Variants in DTX1 observed in about 807,000 individuals in gnomAD.
The protein encoded by DTX1 is deltex E3 ubiquitin ligase 1.
Under a neutral mutation model 57.8 loss-of-function variants are expected in DTX1, and 26 were observed. The ratio of observed to expected loss-of-function variants is 0.45; its 90% CI spans 0.33 to 0.62. The LOEUF is 0.62. Ranked by LOEUF, DTX1 falls within the 20% of genes least tolerant of loss-of-function variation. DTX1 has a pLI of 0.02. For missense variants in DTX1, 704 were observed against 895.3 expected (o/e 0.79, Z 2.73); for synonymous variants, 398 against 394.1 (o/e 1.01, Z -0.12).
chr12:113,093,597 C>T lies in DTX1; in HGVS notation c.1062C>T (p.Pro354=). The change falls in exon 5 of 10, where the codon CCC becomes CCT. Residue 354 remains proline, a synonymous_variant. Coordinates refer to ENST00000548759, the MANE Select transcript of DTX1 (RefSeq NM_004416.3). The surrounding 1 kb of genome is among the most constrained non-coding windows in gnomAD (Gnocchi z 4.2). ...AGLPVCLTRA[P]KPILHPPPVS... ...TGCCCGTGTGCCTGACGCGGGCCCC[C>T]AAGCCCATCCTGCACCCGCCGCCCG... 6.2e-7 allele frequency: 1 copy of T among 1,612,260 alleles called. No homozygotes were observed. Among genetic ancestry groups the T allele is most frequent in the Non-Finnish European group, 8.5e-7 (1 of 1,179,416 alleles).
rs752245433 is a variant in DTX1, at chr12:113,094,834, G to A, written c.1273G>A (p.Glu425Lys). Residue 425 changes from glutamate (E) to lysine (K), a missense_variant, in exon 7 of 10, where the codon GAG becomes AAG. Around this residue, in one of 3 missense-constraint regions of DTX1, gnomAD observed 299 missense variants for 311.2 expected, o/e 0.96. Transcript: ENST00000548759. ...GCGACTGGTCACAGCATCAGGCTAC[G>A]AGGGCGTGCTTCGGCACAAGGGCGT... is the stretch of plus-strand genomic sequence containing the variant. ...MERLVTASGY[E>K]GVLRHKGVRP... The A allele has an allele frequency of 4.3e-6, 7 of 1,613,746 alleles. No individual in the cohort carries two copies. Among genetic ancestry groups the A allele is most frequent in the East Asian group, 4.5e-5 (2 of 44,894 alleles).
chr12:113,061,401 C>A (rs2044662640), intron 2 of DTX1, among the ~76,000 whole-genome samples: 1 of 152,158 alleles, frequency 6.6e-6, no homozygotes, highest in African/African-American at 2.4e-5. Context: ...CTCGCTTTAC[C>A]CAGGAGCAAA....
At chr12:113,065,556 T>C (rs1017821835) in intron 2 of DTX1, among the ~76,000 whole-genome samples, 5 of 152,102 alleles carry the variant, frequency 3.3e-5, no homozygotes, top group African/African-American at 1.2e-4. Context: ...CCTCTCCAGC[T>C]TCCTCCCATC....
intron 2 of DTX1, among the ~76,000 whole-genome samples, chr12:113,069,266 C>T (rs1305815017): frequency 2.0e-5 from 3 of 152,100 alleles, no homozygotes; most frequent in East Asian, 3.9e-4. Context: ...TCCTGCTTTG[C>T]TAGGGATCTG....
Position 113,095,037 on chromosome 12 carries a change from C to T in DTX1, c.1387-5C>T, listed in dbSNP as rs1162143482. ...GGGAACTCACTGCCAGCCTCCCCTG[C>T]CCAGGATGGCAGCCTGCAGTGCCCC... is the stretch of plus-strand genomic sequence containing the variant. On this transcript the variant is annotated splice_region_variant and splice_polypyrimidine_tract_variant and intron_variant, in intron 7 of 9. Coordinates refer to ENST00000548759, the MANE Select transcript of DTX1 (RefSeq NM_004416.3). 1 of 1,609,258 alleles carries T rather than the reference C, an allele frequency of 6.2e-7. No homozygotes were observed. Among genetic ancestry groups the T allele is most frequent in the East Asian group, 2.2e-5 (1 of 44,774 alleles).
intron 3 of DTX1, among the ~76,000 whole-genome samples, chr12:113,086,279 A>G (rs1165434114): frequency 1.3e-5 from 2 of 151,926 alleles, no homozygotes; most frequent in African/African-American, 4.8e-5. Flanking sequence ...AAAAAAAGCA[A>G]AAGAACTGGG....
chr12:113,061,727 T>C (rs1474754111), intron 2 of DTX1, among the ~76,000 whole-genome samples: 3 of 151,894 alleles, frequency 2.0e-5, no homozygotes, highest in African/African-American at 7.3e-5. Context: ...TTTGAGACAG[T>C]GTCTCACTCT....
intron 3 of DTX1, 35 bp downstream of exon 3, chr12:113,078,140 T>A (rs1194990995): frequency 7.6e-7 from 1 of 1,318,030 alleles, no homozygotes; most frequent in Non-Finnish European, 9.7e-7. Context: ...GGCCTCTGCG[T>A]CGTCCGCAGG....
intron 2 of DTX1, 96 bp downstream of exon 2, chr12:113,058,547 A>G (rs2044646568): frequency 6.6e-7 from 1 of 1,517,310 alleles, no homozygotes; most frequent in African/African-American, 1.4e-5. Context: ...GCTGATGCCA[A>G]ATCCCTTCCC....
At chr12:113,091,819 C>T (rs1165612365) in intron 3 of DTX1, among the ~76,000 whole-genome samples, 1 of 152,210 alleles carries the variant, frequency 6.6e-6, no homozygotes, top group Non-Finnish European at 1.5e-5. Flanking sequence ...CTGCTCCCAG[C>T]CCTTCCTGCC....
chr12:113,082,556 C>G (rs1386051566), intron 3 of DTX1, among the ~76,000 whole-genome samples: 1 of 152,194 alleles, frequency 6.6e-6, no homozygotes, highest in Non-Finnish European at 1.5e-5. Flanking sequence ...CCCAAACCAC[C>G]TCCCAGCCCT....
At chr12:113,086,135 G>T (rs1222269965) in intron 3 of DTX1, among the ~76,000 whole-genome samples, 2 of 152,068 alleles carry the variant, frequency 1.3e-5, no homozygotes, top group Admixed American at 1.3e-4. Flanking sequence ...GGGTGCGGTG[G>T]TGCGTGCCTG....
In DTX1 at chr12:113,093,259, G is replaced by T. The variant is rs751631269; in HGVS notation, c.1003+36G>T. ...GCCCAGGGCGGGAAAGAAGGGCGGG[G>T]CCCACTAGGAGGCAGCTCCGCCTGT... On this transcript the variant is annotated intron_variant, in intron 4 of 9. Coordinates refer to ENST00000548759, the MANE Select transcript of DTX1 (RefSeq NM_004416.3). This position sits in a 1 kb window ranked among gnomAD's most constrained non-coding sequence, Gnocchi z 4.2. The T allele has an allele frequency of 1.9e-6, 3 of 1,561,876 alleles. No homozygotes were observed. The South Asian group carries it at 3.5e-5, about 18-fold the overall frequency.
At chr12:113,094,654 G>A (rs895097461) in intron 6 of DTX1, 135 bp from the exon 7 acceptor site, 13 of 1,026,904 alleles carry the variant, frequency 1.3e-5, no homozygotes, top group Non-Finnish European at 1.7e-5. Flanking sequence ...CAGAGGGTGT[G>A]TCCTGTCTCC....
chr12:113,078,150 G>T, intron 3 of DTX1, 45 bp downstream of exon 3: 1 of 1,302,374 alleles, frequency 7.7e-7, no homozygotes, highest in Non-Finnish European at 9.8e-7. Context: ...TCGTCCGCAG[G>T]CAAGGACGAA....
chr12:113,062,798 T>C (rs926254546), intron 2 of DTX1, among the ~76,000 whole-genome samples: 2 of 152,232 alleles, frequency 1.3e-5, no homozygotes, highest in Non-Finnish European at 2.9e-5. Context: ...AGCCAGGCTC[T>C]GGCCCCACAG....
intron 2 of DTX1, among the ~76,000 whole-genome samples, chr12:113,066,999 C>T (rs748116120): frequency 6.6e-6 from 1 of 152,096 alleles, no homozygotes; most frequent in Non-Finnish European, 1.5e-5. Flanking sequence ...CCCTCTGGAG[C>T]TGCTCCAGGC....
intron 2 of DTX1, among the ~76,000 whole-genome samples, chr12:113,060,839 A>G (rs2044659269): frequency 6.6e-6 from 1 of 152,126 alleles, no homozygotes; most frequent in African/African-American, 2.4e-5. Flanking sequence ...ACTCCTTGCT[A>G]GGAGGTCTGG....
chr12:113,067,890 A>T (rs537718783), intron 2 of DTX1, among the ~76,000 whole-genome samples: 4,189 of 145,750 alleles, frequency 0.029, 106 homozygotes, highest in African/African-American at 0.068. Context: ...AAAAAAAAAA[A>T]TAGCTAGACA....
Sources: gnomAD v4.1 joint callset for allele counts (sites outside exome capture counted in the v4.1 genomes callset) on GRCh38, gnomAD v4.1.1 for gene constraint, gnomAD v4.1.1 regional missense constraint, Gnocchi (gnomAD v3.1) non-coding constraint, MANE v1.5 for transcripts, NCBI Gene and HGNC (gene_info 2026-07-23, HGNC 2026-07-21) for gene names.